The following GRM8 variants were observed in gnomAD, a reference collection of about 807,000 sequenced individuals.
The protein encoded by GRM8 is glutamate metabotropic receptor 8, also known as metabotropic glutamate receptor 8.
A neutral mutation model predicts 87.2 loss-of-function variants in GRM8; 47 were observed. That is an observed-to-expected ratio of 0.54 (90% confidence interval 0.43 to 0.69). The LOEUF is 0.69. GRM8 is among the 30% of genes least tolerant of loss of function. The probability of loss-of-function intolerance (pLI) is 0.00; values close to 1 mark genes in which losing one functional copy is unlikely to be tolerated. For missense variants in GRM8, 1,019 were observed against 1,139.2 expected (o/e 0.89, Z 1.52); for synonymous variants, 396 against 404.5 (o/e 0.98, Z 0.25).
chr7:126,749,963 T>C (rs1816224295), intron 7 of GRM8, among the ~76,000 whole-genome samples: 1 of 152,150 alleles, frequency 6.6e-6, no homozygotes, highest in African/African-American at 2.4e-5. Context: ...CTTCTTACCA[T>C]AGAATCTTGA....
chr7:126,478,432 C>T (rs995853239), intron 9 of GRM8, among the ~76,000 whole-genome samples: 2 of 152,044 alleles, frequency 1.3e-5, no homozygotes, highest in Admixed American at 1.3e-4. Flanking sequence ...ACGATCACTT[C>T]TCTGGTCAGT....
chr7:127,219,178 T>C (rs905290054), intron 2 of GRM8, among the ~76,000 whole-genome samples: 1 of 151,936 alleles, frequency 6.6e-6, no homozygotes, highest in Non-Finnish European at 1.5e-5. Flanking sequence ...ACAACATCAA[T>C]CATCATTAGT....
intron 9 of GRM8, among the ~76,000 whole-genome samples, chr7:126,484,794 G>A (rs536118435): frequency 2.0e-5 from 3 of 151,798 alleles, no homozygotes; most frequent in Admixed American, 6.6e-5. Flanking sequence ...TAAAACAAAC[G>A]TGCTATTAAA....
intron 3 of GRM8, among the ~76,000 whole-genome samples, chr7:126,979,137 A>G (rs1478222633): frequency 6.6e-6 from 1 of 152,160 alleles, no homozygotes; most frequent in Non-Finnish European, 1.5e-5. Flanking sequence ...CTGCTCCCAC[A>G]TGCAGCTCAA....
chr7:126,586,572 A>C (rs148219736), intron 8 of GRM8, among the ~76,000 whole-genome samples: 19,574 of 152,180 alleles, frequency 0.13, 1,570 homozygotes, highest in South Asian at 0.17. Context: ...CAAAAACAAG[A>C]AATGGGGAAA....
intron 2 of GRM8, chr7:127,219,518 T>C (rs905151712): frequency 2.0e-5 from 3 of 152,164 alleles, no homozygotes; most frequent in Non-Finnish European, 4.4e-5. Context: ...CCTAGCTCAC[T>C]GTAGATTCGA....
chr7:126,797,324 TGGCCTAA>T (rs1274804481), intron 6 of GRM8, among the ~76,000 whole-genome samples: 2 of 152,140 alleles, frequency 1.3e-5, no homozygotes, highest in Non-Finnish European at 2.9e-5. Flanking sequence ...TTAAACTGAA[TGGCCTAA>T]GAACATCATT....
intron 9 of GRM8, among the ~76,000 whole-genome samples, chr7:126,527,747 T>C (rs77564363): frequency 6.6e-6 from 1 of 152,220 alleles, no homozygotes; most frequent in African/African-American, 2.4e-5. Flanking sequence ...TGATGATATT[T>C]TTTTTCTTCC....
rs1248932083 is a variant in GRM8 at position 126,685,378 on chromosome 7, G to T, written c.1358-75880C>A. ...GGGAGCCTGCAAGAGCCCTGGACAA[G>T]CGGGAGACCCACCCCCTCTGAGTTA... On this transcript the variant is annotated intron_variant, in intron 7 of 10. Coordinates refer to ENST00000339582, the MANE Select transcript of GRM8 (RefSeq NM_000845.3). This position sits in a 1 kb window ranked among gnomAD's most constrained non-coding sequence, Gnocchi z 4.2. Among the ~76,000 whole-genome samples the T allele has an allele frequency of 6.6e-6, 1 of 152,116 alleles. No homozygotes were observed. The highest frequency in any genetic ancestry group is 1.5e-5 in the Non-Finnish European group (1 of 68,006).
chr7:126,969,413 C>A lies in GRM8; in HGVS notation c.728-64730G>T, dbSNP rs1810192784. 2.0e-5 allele frequency among the ~76,000 whole-genome samples: 3 copies of A among 152,184 alleles called. No individual in the cohort carries two copies. In the South Asian group the frequency reaches 6.2e-4, roughly 32 times the overall value. ...ACTAAGTTTATGTAATATTCTAAAT[C>A]CTTTGTTATTTCAACAATGTTCACA... is the stretch of plus-strand genomic sequence containing the variant. On this transcript the variant is annotated intron_variant, in intron 3 of 10. Coordinates refer to ENST00000339582, the MANE Select transcript of GRM8 (RefSeq NM_000845.3).
chr7:126,937,685 C>A (rs539069160), intron 3 of GRM8, among the ~76,000 whole-genome samples: 1 of 152,180 alleles, frequency 6.6e-6, no homozygotes, highest in Admixed American at 6.5e-5. Flanking sequence ...AACAACAAAG[C>A]GCTAACTCCT....
chr7:126,886,000 G>A (rs1422389085), intron 6 of GRM8, among the ~76,000 whole-genome samples: 1 of 152,070 alleles, frequency 6.6e-6, no homozygotes, highest in East Asian at 1.9e-4. Flanking sequence ...GTAGCCTGGG[G>A]TGATTATGGT....
At chr7:126,598,943 G>A (rs1054944498) in intron 8 of GRM8, among the ~76,000 whole-genome samples, 14 of 152,010 alleles carry the variant, frequency 9.2e-5, no homozygotes, top group South Asian at 2.1e-4. Flanking sequence ...ACTCAGTCCC[G>A]TAAAGAAACT....
At chr7:127,156,282 G>A (rs143158998) in intron 2 of GRM8, among the ~76,000 whole-genome samples, 1 of 152,184 alleles carries the variant, frequency 6.6e-6, no homozygotes, top group Non-Finnish European at 1.5e-5. Flanking sequence ...GCCCACCTTC[G>A]TAGCAGTTAT....
chr7:127,109,213 G>C (rs751627546), intron 2 of GRM8, among the ~76,000 whole-genome samples: 3 of 152,044 alleles, frequency 2.0e-5, no homozygotes, highest in Non-Finnish European at 4.4e-5. Flanking sequence ...TGGAAAAAAA[G>C]GTGGTGAATG....
chr7:126,784,476 C>T (rs533755092), intron 6 of GRM8, among the ~76,000 whole-genome samples: 16 of 152,240 alleles, frequency 1.1e-4, no homozygotes, highest in African/African-American at 3.9e-4. Flanking sequence ...AACAAATCTG[C>T]TTTTCTCAGT....
At chr7:127,174,418 T>C (rs1267884848) in intron 2 of GRM8, among the ~76,000 whole-genome samples, 1 of 152,220 alleles carries the variant, frequency 6.6e-6, no homozygotes. Flanking sequence ...CCTGAGGTAC[T>C]GACCTGGCCT....
chr7:126,679,351 T>C (rs1259127776), intron 7 of GRM8, among the ~76,000 whole-genome samples: 1 of 152,238 alleles, frequency 6.6e-6, no homozygotes, highest in Non-Finnish European at 1.5e-5. Context: ...AATTAAAAGC[T>C]AGAATTTCCT....
intron 6 of GRM8, among the ~76,000 whole-genome samples, chr7:126,879,218 A>T (rs1335500031): frequency 1.3e-5 from 2 of 151,540 alleles, no homozygotes; most frequent in African/African-American, 4.8e-5. Context: ...AAACATGATG[A>T]GGCTTAATGG....
Sources: allele counts gnomAD v4.1 joint callset (sites outside exome capture counted in the v4.1 genomes callset), GRCh38; gene constraint gnomAD v4.1.1; non-coding constraint Gnocchi (gnomAD v3.1); transcripts MANE v1.5; gene names NCBI Gene and HGNC (gene_info 2026-07-23, HGNC 2026-07-21).